The following PHTF2 variants were observed in gnomAD, a reference collection of about 807,000 sequenced individuals.
PHTF2 encodes the protein putative homeodomain transcription factor 2, also known as protein PHTF2.
PHTF2 carries 60 observed loss-of-function variants against 101.2 expected under a neutral mutation model. The ratio of observed to expected loss-of-function variants is 0.59; its 90% confidence interval spans 0.48 to 0.73. PHTF2 has a LOEUF of 0.73. Ranked by LOEUF, PHTF2 falls within the 30% of genes least tolerant of loss-of-function variation. PHTF2 has a pLI of 0.00. For synonymous variants in PHTF2, 311 were observed against 307.3 expected (o/e 1.01, Z -0.13); for missense variants, 747 against 908.7 (o/e 0.82, Z 2.29).
At chr7:77,839,720 A>G (rs1228045933) in intron 1 of PHTF2, among the ~76,000 whole-genome samples, 1 of 152,204 alleles carries the variant, frequency 6.6e-6, no homozygotes, top group Non-Finnish European at 1.5e-5. Context: ...AGTATTTAAC[A>G]TAAATACTTT....
intron 1 of PHTF2, among the ~76,000 whole-genome samples, chr7:77,801,226 A>G (rs762133206): frequency 6.6e-6 from 1 of 152,220 alleles, no homozygotes; most frequent in Non-Finnish European, 1.5e-5. Context: ...AAAATCTGAA[A>G]TGCTCTAAAA....
intron 3 of PHTF2, among the ~76,000 whole-genome samples, chr7:77,882,106 T>G (rs915375028): frequency 3.3e-5 from 5 of 152,202 alleles, no homozygotes; most frequent in African/African-American, 1.2e-4. Context: ...GTAGTATCCT[T>G]TTTTGGGGAT....
intron 11 of PHTF2, among the ~76,000 whole-genome samples, chr7:77,924,382 A>G (rs1390556052): frequency 1.3e-5 from 2 of 152,162 alleles, no homozygotes; most frequent in East Asian, 3.9e-4. Flanking sequence ...AAAACCAAAA[A>G]AAACAAAAAC....
At chr7:77,945,571 AT>A (rs1335502260) in intron 16 of PHTF2, among the ~76,000 whole-genome samples, 8 of 152,318 alleles carry the variant, frequency 5.3e-5, no homozygotes, top group Non-Finnish European at 8.8e-5. Flanking sequence ...CAACAAAAAA[AT>A]CTTATATATT....
intron 9 of PHTF2, among the ~76,000 whole-genome samples, chr7:77,911,107 A>C (rs1802349586): frequency 6.6e-6 from 1 of 152,182 alleles, no homozygotes; most frequent in African/African-American, 2.4e-5. Context: ...ATTGTTACTT[A>C]AGTGAATAAA....
At chr7:77,839,499 A>G (rs1795709273) in intron 1 of PHTF2, among the ~76,000 whole-genome samples, 1 of 152,206 alleles carries the variant, frequency 6.6e-6, no homozygotes, top group East Asian at 1.9e-4. Flanking sequence ...AGCAGTTTTA[A>G]TCTGTTTCTT....
intron 12 of PHTF2, among the ~76,000 whole-genome samples, chr7:77,936,628 C>T (rs58724622): frequency 4.6e-5 from 7 of 151,538 alleles, no homozygotes; most frequent in Admixed American, 3.9e-4. Flanking sequence ...GAGCTGAGAT[C>T]GCACCATTGC....
At chr7:77,926,195 A>G (rs1044810621) in intron 11 of PHTF2, among the ~76,000 whole-genome samples, 3 of 152,262 alleles carry the variant, frequency 2.0e-5, no homozygotes, top group Non-Finnish European at 4.4e-5. Context: ...CTGATTAACA[A>G]GTCTGCAACA....
exon 3 of PHTF2, chr7:77,854,741 C>G: frequency 2.8e-6 from 2 of 716,342 alleles, no homozygotes; most frequent in South Asian, 1.5e-5. Flanking sequence ...AGGAGTTTCT[C>G]TCTGTGGCCA....
chr7:77,838,590 C>T (rs901328656), intron 1 of PHTF2, among the ~76,000 whole-genome samples: 1 of 152,002 alleles, frequency 6.6e-6, no homozygotes, highest in Non-Finnish European at 1.5e-5. Context: ...CTGTGGCAGG[C>T]ATCTTATATA....
At chr7:77,929,037 G>A (rs1584741700) in intron 11 of PHTF2, 72 bp from the exon 11 acceptor site, 1 of 1,104,912 alleles carries the variant, frequency 9.1e-7, no homozygotes, top group East Asian at 2.5e-5. Flanking sequence ...CAATATATGG[G>A]TTCTGATAGT....
chr7:77,825,824 A>T (rs1178860811), intron 1 of PHTF2, among the ~76,000 whole-genome samples: 1 of 152,222 alleles, frequency 6.6e-6, no homozygotes, highest in African/African-American at 2.4e-5. Flanking sequence ...GATAAAAAAA[A>T]TAGCATGGCA....
chr7:77,831,079 G>A (rs536809220), intron 1 of PHTF2, among the ~76,000 whole-genome samples: 1 of 152,300 alleles, frequency 6.6e-6, no homozygotes, highest in South Asian at 2.1e-4. Flanking sequence ...TTAAATTATG[G>A]GTTCATTGCA....
At chr7:77,841,074 A>ATTTTTTTTTT (rs1562863302) in intron 2 of PHTF2, among the ~76,000 whole-genome samples, 1 of 51,408 alleles carries the variant, frequency 1.9e-5, no homozygotes, top group African/African-American at 1.8e-4. Flanking sequence ...GAAAAAACAG[A>ATTTTTTTTTT]CTTTTTTTTT....
intron 1 of PHTF2, among the ~76,000 whole-genome samples, chr7:77,828,307 A>C (rs1277465157): frequency 6.6e-6 from 1 of 152,214 alleles, no homozygotes; most frequent in African/African-American, 2.4e-5. Context: ...TATTTAAAGG[A>C]CCTTTAAGTA....
chr7:77,862,057 CAA>C (rs776337296), intron 3 of PHTF2, among the ~76,000 whole-genome samples: 10 of 94,958 alleles, frequency 1.1e-4, no homozygotes, highest in Admixed American at 2.2e-4. Flanking sequence ...AACTCCATCT[CAA>C]AAAAAAAAAA....
intron 3 of PHTF2, among the ~76,000 whole-genome samples, chr7:77,886,043 T>C (rs1218541439): frequency 6.6e-6 from 1 of 152,206 alleles, no homozygotes; most frequent in African/African-American, 2.4e-5. Flanking sequence ...GCTTTAAATA[T>C]GTTTGCAAAT....
intron 3 of PHTF2, among the ~76,000 whole-genome samples, chr7:77,872,355 A>G (rs1222445575): frequency 6.6e-6 from 1 of 152,240 alleles, no homozygotes; most frequent in Non-Finnish European, 1.5e-5. Flanking sequence ...TTGACCACTC[A>G]GAGAGGTCCA....
intron 2 of PHTF2, among the ~76,000 whole-genome samples, chr7:77,847,673 A>G (rs918462740): frequency 6.6e-6 from 1 of 152,242 alleles, no homozygotes; most frequent in Admixed American, 6.5e-5. Context: ...TGGAGTATCC[A>G]TCACTTCAAG....
Sources: gnomAD v4.1 joint callset for allele counts (sites outside exome capture counted in the v4.1 genomes callset) on GRCh38, gnomAD v4.1.1 for gene constraint, MANE v1.5 for transcripts, NCBI Gene and HGNC (gene_info 2026-07-23, HGNC 2026-07-21) for gene names.